Variants in ZNF611 observed in about 807,000 individuals in gnomAD.
The protein encoded by ZNF611 is zinc finger protein 611.
ZNF611 carries 6 observed loss-of-function variants against 8.9 expected under a neutral mutation model. That is an observed-to-expected ratio of 0.68 (90% confidence interval 0.37 to 1.34). ZNF611 has a LOEUF of 1.34. Among genes scored for constraint, ZNF611 ranks in the 40% most tolerant of loss-of-function variants. The pLI, the probability that ZNF611 is intolerant of heterozygous loss-of-function variation, is 0.02. For synonymous variants in ZNF611, 262 were observed against 279.7 expected, an observed-to-expected ratio of 0.94 and a Z score of 0.63; for missense variants, 874 against 841.3, an observed-to-expected ratio of 1.04 and a Z score of -0.48.
rs3906399 is a variant in ZNF611 at position 52,706,245 on chromosome 19, G to C, written c.810C>G (p.His270Gln). The change falls in exon 6 of 6, where the codon CAC becomes CAG. Residue 270 changes from histidine (H) to glutamine (Q), a missense_variant. Coordinates refer to ENST00000652185, the MANE Select transcript of ZNF611 (RefSeq NM_001161499.2). ...TATCATGGCATGCAAGGTATTGCTCGTGATTAAAGAGCTTGCCACATACAT... is the reference window on the plus strand; with the variant it reads ...TATCATGGCATGCAAGGTATTGCTCCTGATTAAAGAGCTTGCCACATACAT... ...KCDVCGKLFN[H>Q]EQYLACHDRC... 2 of 1,614,138 alleles carry C rather than the reference G, an allele frequency of 1.2e-6. No individual in the cohort carries two copies. Among genetic ancestry groups the C allele is most frequent in the African/African-American group, 1.3e-5 (1 of 75,052 alleles).
chr19:52,715,110 T>G (rs1224850096), intron 4 of ZNF611, among the ~76,000 whole-genome samples: 1 of 152,212 alleles, frequency 6.6e-6, no homozygotes, highest in African/African-American at 2.4e-5. Context: ...CTAGATGAGC[T>G]AAGATACATG....
intron 3 of ZNF611, among the ~76,000 whole-genome samples, chr19:52,716,591 G>C (rs193258739): frequency 8.5e-4 from 130 of 152,260 alleles, no homozygotes; most frequent in Non-Finnish European, 1.3e-3. Flanking sequence ...GTAGGGTGAG[G>C]GTTGGGCTGT....
intron 5 of ZNF611, among the ~76,000 whole-genome samples, chr19:52,711,791 C>T (rs963361270): frequency 2.0e-5 from 3 of 151,818 alleles, no homozygotes; most frequent in East Asian, 1.9e-4. Context: ...GAGGGGCTCA[C>T]GGGGAAATTG....
intron 4 of ZNF611, among the ~76,000 whole-genome samples, 159 bp from the exon 5 acceptor site, chr19:52,714,300 G>A (rs563111268): frequency 1.1e-4 from 16 of 152,130 alleles, no homozygotes; most frequent in South Asian, 2.1e-4. Flanking sequence ...CTATAGTTGC[G>A]TTTTATTGTA....
intron 3 of ZNF611, chr19:52,724,497 T>C (rs2062379244): frequency 6.6e-6 from 1 of 152,202 alleles, no homozygotes; most frequent in Non-Finnish European, 1.5e-5. Flanking sequence ...TTATGTCTAC[T>C]TCTTTCTACA....
Position 52,706,310 on chromosome 19 carries a change from GT to G in ZNF611, c.744del (p.Lys248AsnfsTer7), listed in dbSNP as rs1459626883. 6.2e-7 allele frequency: 1 copy of G among 1,614,048 alleles called. No individual in the cohort carries two copies. Among genetic ancestry groups the G allele is most frequent in the Non-Finnish European group, 8.5e-7 (1 of 1,180,038 alleles). ...TTGTCTCCTAAATGGGGTATCTGGT[GT>G]TTCCTTAAGAGTGAGCTACAATTAA... ...KAFNCSSLLR[K>X]HQIPHLGDKQ... On this transcript the variant is annotated frameshift_variant, in exon 6 of 6. Coordinates refer to ENST00000652185, the MANE Select transcript of ZNF611 (RefSeq NM_001161499.2). LOFTEE classifies it low-confidence loss of function (END_TRUNC).
At chr19:52,712,694 G>A (rs1456312211) in intron 5 of ZNF611, among the ~76,000 whole-genome samples, 1 of 151,352 alleles carries the variant, frequency 6.6e-6, no homozygotes, top group Non-Finnish European at 1.5e-5. Context: ...TTGCCACATT[G>A]TCTAGGCTGG....
At position 52,706,764 on chromosome 19, in the gene ZNF611, G is replaced by A. The variant is rs2062248590; in HGVS notation, c.291C>T (p.His97=). ...TTTCCTGGAAGCAAAAATCTCCAAT[G>A]TGATGACTTTCATGTCTTTGCAATG... ...TGTLQRHESH[H]IGDFCFQEIE... Residue 97 remains histidine, a synonymous_variant, in exon 6 of 6, where the codon CAC becomes CAT. Transcript: ENST00000652185. The A allele has an allele frequency of 6.2e-7, 1 of 1,614,140 alleles. No homozygotes were observed. Among genetic ancestry groups the A allele is most frequent in the Non-Finnish European group, 8.5e-7 (1 of 1,180,018 alleles).
intron 3 of ZNF611, 51 bp from the exon 4 acceptor site, chr19:52,715,964 C>T: frequency 1.9e-6 from 3 of 1,599,328 alleles, no homozygotes; most frequent in Non-Finnish European, 1.7e-6. Flanking sequence ...TCACTCCCTT[C>T]CTGTGACAAA....
chr19:52,715,923 A>T lies in ZNF611; in HGVS notation c.-19-10T>A. On this transcript the variant is annotated splice_polypyrimidine_tract_variant and intron_variant, in intron 3 of 5. Coordinates refer to ENST00000652185, the MANE Select transcript of ZNF611 (RefSeq NM_001161499.2). The stretch of plus-strand genomic sequence containing the variant: ...TCTTTAGGAATCAATCCTGTATGTG[A>T]AAAAAAATGAGACTTCATGTTAGAA... The T allele has an allele frequency of 1.2e-6, 2 of 1,602,842 alleles. No homozygotes were observed. Among genetic ancestry groups the T allele is most frequent in the Non-Finnish European group, 1.7e-6 (2 of 1,175,036 alleles).
chr19:52,719,690 T>C (rs566001976), intron 3 of ZNF611, among the ~76,000 whole-genome samples: 1 of 152,364 alleles, frequency 6.6e-6, no homozygotes, highest in East Asian at 1.9e-4. Context: ...TCTCTCCATC[T>C]GTTTCTTTTC....
intron 5 of ZNF611, among the ~76,000 whole-genome samples, chr19:52,710,111 ATGCT>A (rs1245267047): frequency 6.6e-6 from 1 of 151,634 alleles, no homozygotes; most frequent in Non-Finnish European, 1.5e-5. Flanking sequence ...AGACTGAGTA[ATGCT>A]TCATCACCCA....
chr19:52,716,629 C>A (rs1051821631), intron 3 of ZNF611, among the ~76,000 whole-genome samples: 3 of 152,084 alleles, frequency 2.0e-5, no homozygotes, highest in Non-Finnish European at 2.9e-5. Context: ...CTTGGGGCCC[C>A]AAATCACTAA....
chr19:52,719,654 T>A (rs979062055), intron 3 of ZNF611, among the ~76,000 whole-genome samples: 1 of 152,254 alleles, frequency 6.6e-6, no homozygotes, highest in African/African-American at 2.4e-5. Context: ...GTTCCATCAT[T>A]CTATACATAG....
intron 5 of ZNF611, chr19:52,711,409 G>A (rs1370032135): frequency 1.3e-4 from 19 of 151,968 alleles, no homozygotes; most frequent in South Asian, 4.1e-4. Flanking sequence ...CTCAAATAAT[G>A]ACAGCAGGCC....
At position 52,704,964 on chromosome 19, in the gene ZNF611, A is replaced by G. The variant is rs2062228985; in HGVS notation, c.2091T>C (p.His697=). 3.7e-6 allele frequency: 6 copies of G among 1,613,998 alleles called. 1 individual carries two copies. In the East Asian group the frequency reaches 1.3e-4, roughly 36 times the overall value. ...AAGGTTTCTCTCCAGTATGAATTCT[A>G]TGATGACGTGAAAGGTGTGATTGTT... is the stretch of plus-strand genomic sequence containing the variant. ...FNQQSHLSRH[H]RIHTGEKP The change falls in exon 6 of 6, where the codon CAT becomes CAC. Residue 697 remains histidine (H), a synonymous_variant. Coordinates refer to ENST00000652185, the MANE Select transcript of ZNF611 (RefSeq NM_001161499.2).
intron 2 of ZNF611, among the ~76,000 whole-genome samples, chr19:52,729,622 G>A (rs534357705): frequency 2.7e-5 from 4 of 150,822 alleles, no homozygotes; most frequent in Admixed American, 1.3e-4. Flanking sequence ...AAATTAACAA[G>A]TGCAGTGTAT....
At chr19:52,727,146 G>A (rs12327782) in intron 3 of ZNF611, among the ~76,000 whole-genome samples, 6,587 of 152,156 alleles carry the variant, frequency 0.043, 274 homozygotes, top group African/African-American at 0.11. Flanking sequence ...GATTACACTC[G>A]TGAGTCACTG....
rs1193394826 is a variant in ZNF611, at chr19:52,704,466, A to G, written c.*471T>C. The G allele has an allele frequency of 1.3e-6, 1 of 793,352 alleles. No homozygotes were observed. The highest frequency in any genetic ancestry group is 1.7e-5 in the African/African-American group (1 of 59,102). The allele number at this position is 793,352 out of a possible 1,614,324, so 49.1% of individuals were successfully genotyped here. A position where few individuals can be genotyped will look rare whatever the true frequency, so the allele number is the denominator to read the frequency against. On this transcript the variant is annotated 3_prime_UTR_variant, in exon 6 of 6. Transcript: ENST00000652185. ...GTTTCTCTCCTGTATAAATTCTCCT[A>G]TGTTTTGCATAGGATGAAGCTTGAC...
Sources: allele counts gnomAD v4.1 joint callset (sites outside exome capture counted in the v4.1 genomes callset), GRCh38; gene constraint gnomAD v4.1.1; transcripts MANE v1.5; gene names NCBI Gene and HGNC (gene_info 2026-07-23, HGNC 2026-07-21).